Variants in ZNF345 observed in about 807,000 individuals in gnomAD.
ZNF345 encodes zinc finger protein HZF10.
For missense variants in ZNF345, 527 were observed against 589.9 expected, an observed-to-expected ratio of 0.89 and a Z score of 1.10; for synonymous variants, 166 against 187.9, an observed-to-expected ratio of 0.88 and a Z score of 0.95.
At position 36,877,104 on chromosome 19, in the gene ZNF345, T is replaced by C; in HGVS notation, c.274T>C (p.Cys92Arg). The C allele has an allele frequency of 6.2e-7, 1 of 1,614,122 alleles. No individual in the cohort carries two copies. Among genetic ancestry groups the C allele is most frequent in the Non-Finnish European group, 8.5e-7 (1 of 1,179,998 alleles). Residue 92 changes from cysteine to arginine, a missense_variant, in exon 3 of 3, where the codon TGC becomes CGC. Transcript: ENST00000420450. ...TCATACTGGTGAGAAACCTTATGAA[T>C]GCAAAGAATGTGGCAAGGCCTTTGG... ...RIHTGEKPYE[C>R]KECGKAFGSG...
At chr19:36,881,579 T>C (rs973162034), downstream of ZNF345, among the ~76,000 whole-genome samples, 9 of 152,280 alleles carry the variant, frequency 5.9e-5, no homozygotes, top group African/African-American at 2.2e-4. Context: ...TTCAATCACA[T>C]TTTGCATTGG....
chr19:36,886,065 C>T (rs2072994381), intron 3 of ZNF345, among the ~76,000 whole-genome samples: 1 of 152,040 alleles, frequency 6.6e-6, no homozygotes, highest in Admixed American at 6.6e-5. Context: ...AAAATTTGAG[C>T]AACAAATAAA....
rs373731402 is a variant in ZNF345 at position 36,861,813 on chromosome 19, G to A, written c.-47+9909G>A. Among the ~76,000 whole-genome samples the A allele has an allele frequency of 1.3e-4, 19 of 150,950 alleles. No homozygotes were observed. The East Asian group carries it at 3.7e-3, about 29-fold the overall frequency. On this transcript the variant is annotated intron_variant, in intron 2 of 2. Transcript: ENST00000420450. ...TTGAGCTTGCAATCCGCCAGCCTCA[G>A]CCTCCCAAAGTGCTGGGATTATAGG... is the stretch of plus-strand genomic sequence containing the variant.
chr19:36,871,929 G>A (rs556832856), intron 2 of ZNF345, among the ~76,000 whole-genome samples: 36 of 151,914 alleles, frequency 2.4e-4, no homozygotes, highest in Non-Finnish European at 3.8e-4. Flanking sequence ...CACTGCACCC[G>A]GCTAATTTTG....
intron 2 of ZNF345, among the ~76,000 whole-genome samples, chr19:36,857,535 C>T (rs2072448337): frequency 6.6e-6 from 1 of 152,122 alleles, no homozygotes; most frequent in South Asian, 2.1e-4. Context: ...TCCCGAACTC[C>T]CGACCCCAGG....
intron 2 of ZNF345, among the ~76,000 whole-genome samples, chr19:36,869,567 C>G (rs144765745): frequency 2.0e-5 from 3 of 152,258 alleles, no homozygotes; most frequent in African/African-American, 7.2e-5. Flanking sequence ...AATTCTGAAG[C>G]TACTCGGGTC....
chr19:36,866,390 C>T (rs2072660223), intron 2 of ZNF345, among the ~76,000 whole-genome samples: 1 of 152,150 alleles, frequency 6.6e-6, no homozygotes, highest in Admixed American at 6.5e-5. Context: ...CTCTTTCGCT[C>T]TCCACTGAAG....
downstream of ZNF345, among the ~76,000 whole-genome samples, chr19:36,881,611 T>C (rs890089087): frequency 6.6e-6 from 1 of 152,156 alleles, no homozygotes; most frequent in Non-Finnish European, 1.5e-5. Context: ...GATGAAAATA[T>C]ATCAGCATTA....
chr19:36,892,897 C>T, exon 4 of ZNF345: 4 of 1,154,018 alleles, frequency 3.5e-6, no homozygotes, highest in Non-Finnish European at 3.3e-6. Context: ...GCAAGGCCAT[C>T]AGCATGCCCA....
intron 3 of ZNF345, chr19:36,892,561 A>G (rs2073068419): frequency 7.5e-7 from 1 of 1,327,432 alleles, no homozygotes; most frequent in Non-Finnish European, 1.0e-6. Context: ...ACTGAAAAGA[A>G]TATCTGAGAA....
At chr19:36,857,497 C>CG (rs2072447184) in intron 2 of ZNF345, among the ~76,000 whole-genome samples, 1 of 151,960 alleles carries the variant, frequency 6.6e-6, no homozygotes, top group South Asian at 2.1e-4. Context: ...TTAGCAGAGA[C>CG]GGGGTTTCTC....
In ZNF345 at chr19:36,878,552, T is replaced by G. The variant is rs555023; in HGVS notation, c.*255T>G. On this transcript the variant is annotated 3_prime_UTR_variant, in exon 3 of 3. Coordinates refer to ENST00000420450, the MANE Select transcript of ZNF345 (RefSeq NM_001242472.2). ...TAAAAATGAAAAAAAAATCATTTAT[T>G]ATATTTTGCCTCAACTTTAAACATT... The G allele has an allele frequency of 0.2, 61,172 of 312,202 alleles. 8,463 individuals are homozygous for G. Among genetic ancestry groups the G allele is most frequent in the African/African-American group, 0.47 (21,660 of 46,028 alleles). The allele number at this position is 312,202 out of a possible 1,614,324, so 19.3% of individuals were successfully genotyped here.
intron 2 of ZNF345, among the ~76,000 whole-genome samples, chr19:36,873,593 T>C (rs906252498): frequency 2.0e-5 from 3 of 152,196 alleles, no homozygotes; most frequent in Non-Finnish European, 4.4e-5. Flanking sequence ...GACTTATTCA[T>C]TCTACATGTC....
upstream of ZNF345, chr19:36,850,706 GAGAT>G (rs886845552): frequency 3.3e-5 from 5 of 152,264 alleles, no homozygotes; most frequent in African/African-American, 9.6e-5. Flanking sequence ...TCACCTCAAA[GAGAT>G]AGTTTTGTTG....
intron 3 of ZNF345, among the ~76,000 whole-genome samples, chr19:36,885,932 A>G (rs2072993695): frequency 6.6e-6 from 1 of 152,130 alleles, no homozygotes; most frequent in Non-Finnish European, 1.5e-5. Flanking sequence ...TCCTGATACC[A>G]TCCTGATCCT....
At chr19:36,857,869 C>G (rs964327951) in intron 2 of ZNF345, among the ~76,000 whole-genome samples, 5 of 152,024 alleles carry the variant, frequency 3.3e-5, no homozygotes, top group Admixed American at 2.0e-4. Context: ...ACCTCCACTT[C>G]CTGGGTTCAA....
In ZNF345 at chr19:36,877,929, G is replaced by A; in HGVS notation, c.1099G>A (p.Glu367Lys). 1.2e-6 allele frequency: 2 copies of A among 1,614,162 alleles called. No homozygotes were observed. Among genetic ancestry groups the A allele is most frequent in the Non-Finnish European group, 8.5e-7 (1 of 1,180,020 alleles). The change falls in exon 3 of 3, where the codon GAG (glutamate) becomes AAG (lysine). Residue 367 changes from glutamate (E) to lysine (K), a missense_variant. By Grantham distance (56) the Glu-to-Lys change is moderately conservative. Coordinates refer to ENST00000420450, the MANE Select transcript of ZNF345 (RefSeq NM_001242472.2). ...LTQHHRIHTG[E>K]KPYECKECGK... Reference sequence around the variant, plus strand: ...TCAACATCACAGAATTCATACTGGTGAGAAACCCTATGAATGTAAGGAATG... The same window carrying A: ...TCAACATCACAGAATTCATACTGGTAAGAAACCCTATGAATGTAAGGAATG...
chr19:36,858,744 C>A (rs1461379863), intron 2 of ZNF345, among the ~76,000 whole-genome samples: 1 of 151,852 alleles, frequency 6.6e-6, no homozygotes, highest in African/African-American at 2.4e-5. Flanking sequence ...CCAGCCTAGG[C>A]GACAGAGTAA....
At chr19:36,886,614 G>A (rs2072998559) in intron 3 of ZNF345, among the ~76,000 whole-genome samples, 1 of 152,182 alleles carries the variant, frequency 6.6e-6, no homozygotes, top group South Asian at 2.1e-4. Flanking sequence ...GGGAGGCCGA[G>A]GAGGGTGGAT....
Sources: allele counts gnomAD v4.1 joint callset (sites outside exome capture counted in the v4.1 genomes callset), GRCh38; gene constraint gnomAD v4.1.1; transcripts MANE v1.5; gene names NCBI Gene and HGNC (gene_info 2026-07-23, HGNC 2026-07-21).